The following CELF2 variants were observed in gnomAD, a reference collection of about 807,000 sequenced individuals.
CELF2 encodes the protein CUG triplet repeat RNA-binding protein 2.
A neutral mutation model predicts 62.6 loss-of-function variants in CELF2; 8 were observed. The observed-to-expected ratio is 0.13, with a 90% CI of 0.07 to 0.23. The LOEUF (loss-of-function observed/expected upper bound fraction) is 0.23, where lower values mean the gene tolerates loss of function less well. Ranked by LOEUF, CELF2 falls within the 10% of genes least tolerant of loss-of-function variation. The pLI is 1.00. For synonymous variants in CELF2, 258 were observed against 250.0 expected, an observed-to-expected ratio of 1.03 and a Z score of -0.30; for missense variants, 333 against 671.0, an observed-to-expected ratio of 0.50 and a Z score of 5.56.
At chr10:10,684,642 G>T in the CELF2 span, among the ~76,000 whole-genome samples, 1 of 152,122 alleles carries the variant, frequency 6.6e-6, no homozygotes, top group Non-Finnish European at 1.5e-5. Context: ...TACTCAGGAG[G>T]CTGAGGTGGG....
rs984128539 is a variant in CELF2 at position 10,998,528 on chromosome 10, G to GA, written c.89+78532dup. ...ATATCTCATTAGGAACTGATTTAAG[G>GA]AAATGTGTGGGGCCTTTAATAGCTT... On this transcript the variant is annotated intron_variant, in intron 2 of 13. Coordinates refer to the CELF2 transcript ENST00000636488. Among the ~76,000 whole-genome samples the GA allele has an allele frequency of 1.4e-3, 220 of 152,278 alleles. 2 individuals are homozygous for GA. The highest frequency in any genetic ancestry group is 5.1e-3 in the African/African-American group (211 of 41,534).
chr10:10,841,436 T>C (rs941679145), intron 1 of CELF2, among the ~76,000 whole-genome samples: 2 of 152,016 alleles, frequency 1.3e-5, no homozygotes, highest in African/African-American at 4.8e-5. Context: ...GTTAATTTTA[T>C]GGAAGGTGTA....
chr10:10,518,680 G>A, the CELF2 span, among the ~76,000 whole-genome samples: 1 of 151,824 alleles, frequency 6.6e-6, no homozygotes, highest in African/African-American at 2.4e-5. Context: ...ATTTTTTAAT[G>A]GTGGACATCA....
chr10:10,978,036 TTTTTG>T lies in CELF2; in HGVS notation c.89+58042_89+58046del, dbSNP rs1395902748. The stretch of plus-strand genomic sequence containing the variant: ...GTTTTGGGTTTGGGTTTTTTTTTGT[TTTTTG>T]TTTTTTTTTTTCCAGAGAAAGATGG... On this transcript the variant is annotated intron_variant, in intron 2 of 13. Transcript: ENST00000636488. 6.9e-4 allele frequency among the ~76,000 whole-genome samples: 101 copies of T among 147,420 alleles called. 1 individual carries two copies. Among genetic ancestry groups the T allele is most frequent in the Non-Finnish European group, 1.3e-3 (87 of 67,738 alleles).
the CELF2 span, among the ~76,000 whole-genome samples, chr10:10,544,935 T>C: frequency 6.6e-6 from 1 of 152,222 alleles, no homozygotes; most frequent in Non-Finnish European, 1.5e-5. Context: ...AAGGAATGTC[T>C]GGGTTCCTAC....
At chr10:11,125,878 A>C (rs1184865070) in intron 1 of CELF2, among the ~76,000 whole-genome samples, 1 of 140,208 alleles carries the variant, frequency 7.1e-6, no homozygotes, top group African/African-American at 2.6e-5. Flanking sequence ...GCTTACTCTA[A>C]ATTTTGTGTT....
chr10:10,748,983 C>T, the CELF2 span, among the ~76,000 whole-genome samples: 1 of 152,076 alleles, frequency 6.6e-6, no homozygotes, highest in Non-Finnish European at 1.5e-5. Context: ...TTCCAGTTTG[C>T]CAAACCAGTA....
At chr10:10,621,467 G>A in the CELF2 span, among the ~76,000 whole-genome samples, 2 of 152,148 alleles carry the variant, frequency 1.3e-5, no homozygotes, top group East Asian at 1.9e-4. Context: ...TCCACCCACA[G>A]AAAGAGAGTT....
chr10:10,812,081 A>G (rs530455596), intron 1 of CELF2, among the ~76,000 whole-genome samples: 1 of 152,176 alleles, frequency 6.6e-6, no homozygotes, highest in African/African-American at 2.4e-5. Context: ...TCCCACCTAT[A>G]TTAGTCCATT....
chr10:10,597,765 G>A, the CELF2 span, among the ~76,000 whole-genome samples: 1 of 152,222 alleles, frequency 6.6e-6, no homozygotes, highest in South Asian at 2.1e-4. Flanking sequence ...ACTGCTCAAG[G>A]TTTTGCAATC....
the CELF2 span, among the ~76,000 whole-genome samples, chr10:10,538,788 T>C: frequency 6.8e-4 from 104 of 152,384 alleles, no homozygotes; most frequent in Non-Finnish European, 2.9e-4. Flanking sequence ...TATATGTGAC[T>C]GTTCTTTGTT....
At chr10:11,027,891 T>C (rs1019616912) in intron 1 of CELF2, among the ~76,000 whole-genome samples, 1 of 152,218 alleles carries the variant, frequency 6.6e-6, no homozygotes, top group Non-Finnish European at 1.5e-5. Context: ...AGACTAATGT[T>C]GGGAAAGAAA....
At chr10:10,562,367 T>C in the CELF2 span, among the ~76,000 whole-genome samples, 1 of 152,256 alleles carries the variant, frequency 6.6e-6, no homozygotes, top group African/African-American at 2.4e-5. Flanking sequence ...ATAATCCTAA[T>C]CGCTTACATA....
At chr10:10,658,575 C>T in the CELF2 span, among the ~76,000 whole-genome samples, 1 of 152,162 alleles carries the variant, frequency 6.6e-6, no homozygotes, top group South Asian at 2.1e-4. Flanking sequence ...GGCCAATTTG[C>T]TAACTTTTAT....
chr10:10,826,962 A>G (rs949678106), intron 1 of CELF2, among the ~76,000 whole-genome samples: 1 of 152,204 alleles, frequency 6.6e-6, no homozygotes, highest in Non-Finnish European at 1.5e-5. Flanking sequence ...TGGGAATAAA[A>G]TGCAGTGTTG....
the CELF2 span, among the ~76,000 whole-genome samples, chr10:10,495,245 C>T: frequency 1.3e-5 from 2 of 152,162 alleles, no homozygotes; most frequent in African/African-American, 2.4e-5. Context: ...TGCCACTGCA[C>T]TTCAGCCTGG....
chr10:10,891,087 G>C (rs2062105706), intron 1 of CELF2, among the ~76,000 whole-genome samples: 1 of 152,106 alleles, frequency 6.6e-6, no homozygotes, highest in Non-Finnish European at 1.5e-5. Context: ...ATTCAGTGGA[G>C]TTTTTTTCAT....
chr10:11,185,042 G>A (rs1428476161), intron 2 of CELF2, among the ~76,000 whole-genome samples: 1 of 152,140 alleles, frequency 6.6e-6, no homozygotes. Context: ...CAAGGACATT[G>A]TCTTGTCTTC....
chr10:10,618,361 C>T, the CELF2 span, among the ~76,000 whole-genome samples: 1 of 152,082 alleles, frequency 6.6e-6, no homozygotes, highest in Non-Finnish European at 1.5e-5. Flanking sequence ...CTTGAAAGAG[C>T]CCTGATCATT....
Sources: allele counts gnomAD v4.1 joint callset (sites outside exome capture counted in the v4.1 genomes callset), GRCh38; gene constraint gnomAD v4.1.1; transcripts MANE v1.5; gene names NCBI Gene and HGNC (gene_info 2026-07-23, HGNC 2026-07-21).